SYNE2: variants seen among roughly 807,000 people sequenced by gnomAD.
SYNE2 encodes the protein spectrin repeat containing nuclear envelope protein 2.
In SYNE2, 431 loss-of-function variants were observed where a neutral mutation model predicts 856.3. That is an observed-to-expected ratio of 0.50 (90% CI 0.47 to 0.55). SYNE2 has a LOEUF of 0.55. Ranked by LOEUF, SYNE2 falls within the 20% of genes least tolerant of loss-of-function variation. The pLI is 0.00. For missense variants in SYNE2, 8,129 were observed against 8,023.2 expected (o/e 1.01, Z -0.50); for synonymous variants, 2,923 against 2,872.3 (o/e 1.02, Z -0.56).
chr14:63,910,706 C>T (rs1421195326), intron 2 of SYNE2, among the ~76,000 whole-genome samples: 1 of 152,092 alleles, frequency 6.6e-6, no homozygotes, highest in Non-Finnish European at 1.5e-5. Context: ...GTCTCAGTTT[C>T]CTTATTTGTA....
At chr14:64,097,867 C>G (rs1324765805) in intron 61 of SYNE2, 82 bp from the exon 62 acceptor site, 10 of 1,411,450 alleles carry the variant, frequency 7.1e-6, no homozygotes, top group Admixed American at 3.4e-5. Context: ...ATCTTCAGCC[C>G]TTGTACCAAA....
chr14:63,789,725 C>T (rs1887663000), intron 1 of SYNE2, among the ~76,000 whole-genome samples: 1 of 151,674 alleles, frequency 6.6e-6, no homozygotes, highest in South Asian at 2.1e-4. Flanking sequence ...TTGCAATGAG[C>T]TGAGATCGTG....
upstream of SYNE2, among the ~76,000 whole-genome samples, chr14:63,849,376 G>A (rs1396942859): frequency 1.3e-5 from 2 of 150,762 alleles, no homozygotes; most frequent in East Asian, 3.9e-4. Context: ...TTCAGATGAA[G>A]AGACTTTGTG....
At chr14:64,023,919 A>G (rs1355465222) in intron 38 of SYNE2, 1 of 297,532 alleles carries the variant, frequency 3.4e-6, no homozygotes, top group Non-Finnish European at 6.5e-6. Context: ...TGAAACGTAA[A>G]CATTGAGATA....
chr14:64,197,948 C>T (rs1239461668), intron 99 of SYNE2, among the ~76,000 whole-genome samples: 1 of 152,168 alleles, frequency 6.6e-6, no homozygotes, highest in Admixed American at 6.5e-5. Context: ...TTTAAAGCGG[C>T]TCTTAGGCAT....
intron 32 of SYNE2, among the ~76,000 whole-genome samples, chr14:64,010,758 C>G (rs1227745405): frequency 6.6e-6 from 1 of 152,272 alleles, no homozygotes; most frequent in African/African-American, 2.4e-5. Flanking sequence ...CCTGCCTCAG[C>G]CTTTCAAGTA....
At chr14:64,182,332 T>G (rs1333523683) in intron 96 of SYNE2, among the ~76,000 whole-genome samples, 1 of 152,210 alleles carries the variant, frequency 6.6e-6, no homozygotes, top group African/African-American at 2.4e-5. Flanking sequence ...TTTGACAGTT[T>G]GGTTGCAAGT....
intron 96 of SYNE2, among the ~76,000 whole-genome samples, chr14:64,182,799 C>T (rs2098465000): frequency 6.6e-6 from 1 of 152,246 alleles, no homozygotes; most frequent in African/African-American, 2.4e-5. Flanking sequence ...TACACAGACA[C>T]AGCAACAATT....
intron 84 of SYNE2, among the ~76,000 whole-genome samples, chr14:64,151,121 C>T (rs2098237902): frequency 6.6e-6 from 1 of 152,128 alleles, no homozygotes; most frequent in Non-Finnish European, 1.5e-5. Flanking sequence ...ACTCCCAAAC[C>T]TAGCTATCAG....
intron 45 of SYNE2, among the ~76,000 whole-genome samples, chr14:64,032,021 C>T (rs1262192285): frequency 6.6e-6 from 1 of 152,186 alleles, no homozygotes; most frequent in Non-Finnish European, 1.5e-5. Context: ...CGCAGCTTCT[C>T]ACAGTCAGGG....
intron 84 of SYNE2, among the ~76,000 whole-genome samples, chr14:64,147,359 A>G (rs2098196747): frequency 6.6e-6 from 1 of 152,186 alleles, no homozygotes; most frequent in Admixed American, 6.5e-5. Context: ...TATTTCTGAA[A>G]TGCAAAGGGT....
chr14:64,079,454 C>T (rs910243879), intron 55 of SYNE2, among the ~76,000 whole-genome samples: 4 of 152,132 alleles, frequency 2.6e-5, no homozygotes, highest in Non-Finnish European at 5.9e-5. Context: ...GAGTATGGCT[C>T]ACTATTGGAC....
At chr14:64,016,329 C>A in intron 32 of SYNE2, 144 bp from the exon 33 acceptor site, 1 of 570,370 alleles carries the variant, frequency 1.8e-6, no homozygotes, top group African/African-American at 1.9e-5. Context: ...ACGATAAAAA[C>A]GTACTTTAAA....
intron 1 of SYNE2, among the ~76,000 whole-genome samples, chr14:63,864,198 A>G (rs1894581816): frequency 6.6e-6 from 1 of 152,188 alleles, no homozygotes; most frequent in African/African-American, 2.4e-5. Flanking sequence ...CTTTGTAGTC[A>G]CTCATTTGAT....
rs142121093 is a variant in SYNE2 at position 64,132,389 on chromosome 14, T to A, written c.14465T>A (p.Leu4822Gln). The A allele has an allele frequency of 1.1e-5, 17 of 1,614,054 alleles. No homozygotes were observed. The highest frequency in any genetic ancestry group is 1.4e-5 in the Non-Finnish European group (16 of 1,180,036). ...WAEQVTEVKILEEKSRQCGMK... is the reference protein window; with the variant it reads ...WAEQVTEVKIQEEKSRQCGMK... The stretch of plus-strand genomic sequence containing the variant: ...GAACAAGTAACAGAAGTTAAAATAC[T>A]AGAAGAAAAGTCACGCCAATGTGGT... Residue 4822 changes from leucine to glutamine, a missense_variant, in exon 77 of 116, where the codon CTA (leucine) becomes CAA (glutamine). Around this residue, in one of 3 missense-constraint regions of SYNE2, gnomAD observed 5,410 missense variants for 5,284.8 expected, o/e 1.02. Coordinates refer to ENST00000555002, the MANE Select transcript of SYNE2 (RefSeq NM_182914.3).
intron 1 of SYNE2, among the ~76,000 whole-genome samples, chr14:63,775,674 T>C (rs1887082880): frequency 6.6e-6 from 1 of 151,754 alleles, no homozygotes; most frequent in Non-Finnish European, 1.5e-5. Context: ...TCAACCTCCT[T>C]GCCTCAAGTG....
intron 9 of SYNE2, among the ~76,000 whole-genome samples, chr14:63,963,562 A>G (rs1297467105): frequency 6.6e-6 from 1 of 152,220 alleles, no homozygotes; most frequent in African/African-American, 2.4e-5. Flanking sequence ...GGGTGTGAAC[A>G]TCTCTTGAAT....
rs771653171 is a variant in SYNE2 at position 64,090,832 on chromosome 14, C to A, written c.11794-34C>A. ...AATTTAACAGTGGCCATTGTCTTTT[C>A]ATTTCTGTAACATGCTCCTCTTATA... On this transcript the variant is annotated intron_variant, in intron 59 of 115. Coordinates refer to ENST00000555002, the MANE Select transcript of SYNE2 (RefSeq NM_182914.3). The A allele has an allele frequency of 5.0e-6, 8 of 1,590,018 alleles. No individual in the cohort carries two copies. In the South Asian group the frequency reaches 6.7e-5, roughly 13 times the overall value.
chr14:64,021,621 A>C, intron 36 of SYNE2, 106 bp downstream of exon 36: 1 of 1,402,424 alleles, frequency 7.1e-7, no homozygotes, highest in Non-Finnish European at 9.8e-7. Flanking sequence ...AAGTCGAAGA[A>C]GAAAACTCAG....
Sources: gnomAD v4.1 joint callset for allele counts (sites outside exome capture counted in the v4.1 genomes callset) on GRCh38, gnomAD v4.1.1 for gene constraint, gnomAD v4.1.1 regional missense constraint, MANE v1.5 for transcripts, NCBI Gene and HGNC (gene_info 2026-07-23, HGNC 2026-07-21) for gene names.